IMMP2L: variants seen among roughly 807,000 people sequenced by gnomAD.
IMMP2L encodes the protein mitochondrial inner membrane protease subunit 2.
A neutral mutation model predicts 19.3 loss-of-function variants in IMMP2L; 18 were observed. The observed-to-expected ratio is 0.93, with a 90% CI of 0.64 to 1.38. IMMP2L has a LOEUF of 1.38. Ranked by LOEUF, IMMP2L falls within the 40% of genes most tolerant of loss-of-function variation. The pLI is 0.00. For synonymous variants in IMMP2L, 76 were observed against 73.0 expected (o/e 1.04, Z -0.21); for missense variants, 233 against 218.2 (o/e 1.07, Z -0.43).
intron 3 of IMMP2L, among the ~76,000 whole-genome samples, chr7:111,103,082 CTAAT>C (rs993621401): frequency 5.3e-5 from 8 of 151,454 alleles, no homozygotes; most frequent in Non-Finnish European, 8.9e-5. Context: ...TATTTGTACT[CTAAT>C]TAGCATTTTG....
At position 111,281,192 on chromosome 7, in the gene IMMP2L, A is replaced by C. The variant is rs867806854; in HGVS notation, c.239+206046T>G. 2.4e-4 allele frequency among the ~76,000 whole-genome samples: 14 copies of C among 57,444 alleles called. 1 individual carries two copies. Among genetic ancestry groups the C allele is most frequent in the Admixed American group, 2.0e-3 (10 of 5,126 alleles). 37.7% of individuals were successfully genotyped at this position (57,444 alleles called of 152,430 possible). A position where few individuals can be genotyped will look rare whatever the true frequency, so the allele number is the denominator to read the frequency against. Reference sequence around the variant, plus strand: ...AAAGAAAGAAAGAAAGAAAGAAAGAAAGAAAGAAAGAAAGAAAGAAAGAAA... The same window carrying C: ...AAAGAAAGAAAGAAAGAAAGAAAGACAGAAAGAAAGAAAGAAAGAAAGAAA... On this transcript the variant is annotated intron_variant, in intron 3 of 5. Coordinates refer to ENST00000405709, the MANE Select transcript of IMMP2L (RefSeq NM_032549.4).
intron 3 of IMMP2L, among the ~76,000 whole-genome samples, chr7:111,048,081 A>C (rs989447510): frequency 7.3e-5 from 11 of 151,610 alleles, no homozygotes; most frequent in African/African-American, 2.4e-4. Context: ...CTACTAAAAA[A>C]TACAAAAAAT....
intron 3 of IMMP2L, among the ~76,000 whole-genome samples, chr7:111,353,710 A>T (rs1028335924): frequency 5.3e-5 from 8 of 152,188 alleles, no homozygotes; most frequent in African/African-American, 1.9e-4. Context: ...GAAAACATAT[A>T]CAGACTACAT....
At chr7:111,265,908 C>T (rs1817779796) in intron 3 of IMMP2L, among the ~76,000 whole-genome samples, 1 of 152,134 alleles carries the variant, frequency 6.6e-6, no homozygotes, top group Admixed American at 6.6e-5. Flanking sequence ...TTAAAGTCTA[C>T]ATGACTGGGT....
chr7:111,353,405 A>AT (rs1323869385), intron 3 of IMMP2L, among the ~76,000 whole-genome samples: 1 of 152,164 alleles, frequency 6.6e-6, no homozygotes, highest in Non-Finnish European at 1.5e-5. Context: ...TCTTTGGCTA[A>AT]TTTCTTTCCA....
At chr7:110,883,425 T>A (rs1460269781) in intron 5 of IMMP2L, among the ~76,000 whole-genome samples, 1 of 152,172 alleles carries the variant, frequency 6.6e-6, no homozygotes, top group East Asian at 1.9e-4. Flanking sequence ...TAATAAGGTA[T>A]CAATGAAAAA....
At chr7:111,482,986 T>A (rs1283125825) in intron 3 of IMMP2L, among the ~76,000 whole-genome samples, 1 of 152,104 alleles carries the variant, frequency 6.6e-6, no homozygotes, top group Non-Finnish European at 1.5e-5. Flanking sequence ...ATATGGGATC[T>A]TGAGTAGGAT....
chr7:110,792,237 T>C (rs1309212917), intron 5 of IMMP2L, among the ~76,000 whole-genome samples: 7 of 151,630 alleles, frequency 4.6e-5, no homozygotes, highest in Non-Finnish European at 1.0e-4. Flanking sequence ...CAGAATCTAA[T>C]TTTCTTACAT....
At chr7:111,419,665 T>A (rs527888489) in intron 3 of IMMP2L, among the ~76,000 whole-genome samples, 1 of 151,886 alleles carries the variant, frequency 6.6e-6, no homozygotes, top group Non-Finnish European at 1.5e-5. Context: ...GTTTATTATG[T>A]CTCATGTCTC....
chr7:111,263,402 T>C (rs1243400568), intron 3 of IMMP2L, among the ~76,000 whole-genome samples: 1 of 152,140 alleles, frequency 6.6e-6, no homozygotes, highest in African/African-American at 2.4e-5. Flanking sequence ...TCAAGTTTTA[T>C]GCCCTGAGCA....
chr7:111,469,676 C>G (rs943878470), intron 3 of IMMP2L, among the ~76,000 whole-genome samples: 25 of 152,076 alleles, frequency 1.6e-4, no homozygotes, highest in East Asian at 1.5e-3. Context: ...GCCATATGTA[C>G]AAAGCTGAAA....
chr7:111,314,918 T>C (rs764317020), intron 3 of IMMP2L, among the ~76,000 whole-genome samples: 1 of 152,184 alleles, frequency 6.6e-6, no homozygotes, highest in African/African-American at 2.4e-5. Flanking sequence ...TATTTTGTCA[T>C]GACTGTTTGA....
intron 5 of IMMP2L, among the ~76,000 whole-genome samples, chr7:110,822,956 G>A (rs1803164341): frequency 6.6e-6 from 1 of 152,088 alleles, no homozygotes; most frequent in East Asian, 1.9e-4. Context: ...CATAGAGAAG[G>A]CACTCAAGTG....
At chr7:110,730,815 G>A (rs1045309679) in intron 5 of IMMP2L, among the ~76,000 whole-genome samples, 6 of 152,050 alleles carry the variant, frequency 3.9e-5, no homozygotes, top group Non-Finnish European at 8.8e-5. Flanking sequence ...GTGAGCCGCC[G>A]CGCCCGGCCG....
At chr7:111,030,902 A>G (rs879658747) in intron 3 of IMMP2L, among the ~76,000 whole-genome samples, 3,186 of 38,458 alleles carry the variant, frequency 0.083, 69 homozygotes, top group Non-Finnish European at 0.11. Flanking sequence ...ATATATATAT[A>G]TATATATATA....
chr7:111,493,386 TA>T (rs1843272934), intron 2 of IMMP2L, among the ~76,000 whole-genome samples: 1 of 152,116 alleles, frequency 6.6e-6, no homozygotes, highest in African/African-American at 2.4e-5. Flanking sequence ...TGTACTTCAC[TA>T]AAAACAAAAG....
At chr7:110,970,674 A>G (rs569177573) in intron 3 of IMMP2L, among the ~76,000 whole-genome samples, 129 of 152,260 alleles carry the variant, frequency 8.5e-4, no homozygotes, top group Non-Finnish European at 9.3e-4. Flanking sequence ...AGACCTTCAT[A>G]TAGAAGCACC....
chr7:111,522,138 G>A (rs560593036), intron 1 of IMMP2L, among the ~76,000 whole-genome samples: 18 of 152,188 alleles, frequency 1.2e-4, no homozygotes, highest in African/African-American at 4.3e-4. Context: ...CTTACATTTG[G>A]ACTGTTAAAT....
intron 5 of IMMP2L, among the ~76,000 whole-genome samples, chr7:110,716,086 C>CT (rs367848142): frequency 3.7e-4 from 56 of 151,304 alleles, no homozygotes; most frequent in African/African-American, 1.1e-3. Context: ...GTGACCCCTG[C>CT]TTTTTTTTGT....
Sources: allele counts gnomAD v4.1 joint callset (sites outside exome capture counted in the v4.1 genomes callset), GRCh38; gene constraint gnomAD v4.1.1; transcripts MANE v1.5; gene names NCBI Gene and HGNC (gene_info 2026-07-23, HGNC 2026-07-21).